Variants in DDI2 observed in about 807,000 individuals in gnomAD.
DDI2 encodes the protein protein DDI1 homolog 2.
A neutral mutation model predicts 48.1 loss-of-function variants in DDI2; 5 were observed. The observed-to-expected ratio is 0.10, with a 90% CI of 0.05 to 0.22. The LOEUF is 0.22. Ranked by LOEUF, DDI2 falls within the 10% of genes least tolerant of loss-of-function variation. The probability of loss-of-function intolerance (pLI) is 1.00; values close to 1 mark genes in which losing one functional copy is unlikely to be tolerated. For missense variants in DDI2, 285 were observed against 506.2 expected (o/e 0.56, Z 4.19); for synonymous variants, 205 against 183.6 (o/e 1.12, Z -0.94).
At position 15,617,586 on chromosome 1, in the gene DDI2, C is replaced by G; in HGVS notation, c.-85C>G. ...CAGCCGGCGCCGTCCTCCCGCAGCACCAGCCAGGCCACGCCGCCGCCTCTT... is the reference window on the plus strand; with the variant it reads ...CAGCCGGCGCCGTCCTCCCGCAGCAGCAGCCAGGCCACGCCGCCGCCTCTT... On this transcript the variant is annotated 5_prime_UTR_variant, in exon 1 of 10. Transcript: ENST00000480945. 8.5e-7 allele frequency: 1 copy of G among 1,178,392 alleles called. No homozygotes were observed. Among genetic ancestry groups the G allele is most frequent in the Non-Finnish European group, 1.1e-6 (1 of 931,874 alleles). The allele number at this position is 1,178,392 out of a possible 1,614,324, so 73.0% of individuals were successfully genotyped here.
rs1483738640 is a variant in DDI2, at chr1:15,662,427, G to A, written c.*2637G>A. 2.0e-5 allele frequency: 3 copies of A among 152,184 alleles called. No individual in the cohort carries two copies. Among genetic ancestry groups the A allele is most frequent in the Admixed American group, 6.5e-5 (1 of 15,274 alleles). The allele number at this position is 152,184 out of a possible 1,614,324, so 9.4% of individuals were successfully genotyped here. On this transcript the variant is annotated 3_prime_UTR_variant, in exon 10 of 10. Transcript: ENST00000480945. ...GCCATGAATCCTTATTACATTGGAT[G>A]GGATATTGTGGGGGAGTTACAATGC...
chr1:15,628,875 G>A (rs533823723), intron 2 of DDI2, among the ~76,000 whole-genome samples: 11 of 152,128 alleles, frequency 7.2e-5, no homozygotes, highest in South Asian at 4.1e-4. Context: ...CCTAGTCTCC[G>A]CAGCCTAGAC....
At chr1:15,622,900 C>T (rs12088251) in intron 1 of DDI2, among the ~76,000 whole-genome samples, 5,106 of 152,270 alleles carry the variant, frequency 0.034, 288 homozygotes, top group African/African-American at 0.12. Context: ...ACAGCTGCTG[C>T]TTCGTCAGTG....
intron 5 of DDI2, among the ~76,000 whole-genome samples, chr1:15,643,095 T>C (rs1640035233): frequency 6.6e-6 from 1 of 151,158 alleles, no homozygotes; most frequent in Non-Finnish European, 1.5e-5. Context: ...TAGCTGGACA[T>C]GATGGCGCAA....
At position 15,631,809 on chromosome 1, in the gene DDI2, G is replaced by GT. The variant is rs1032781501; in HGVS notation, c.505+1259dup. On this transcript the variant is annotated intron_variant, in intron 3 of 9. Coordinates refer to ENST00000480945, the MANE Select transcript of DDI2 (RefSeq NM_032341.5). The stretch of plus-strand genomic sequence containing the variant: ...TGTCTGCTCTTTCGTGTTAGGCTTT[G>GT]TTTTTTTTTTTCTTGAGACGGAGTT... Among the ~76,000 whole-genome samples the GT allele has an allele frequency of 7.5e-3, 1,096 of 146,298 alleles. 14 individuals carry two copies. The highest frequency in any genetic ancestry group is 0.024 in the African/African-American group (981 of 40,302).
chr1:15,645,458 G>A (rs1640076099), intron 6 of DDI2, among the ~76,000 whole-genome samples: 1 of 152,164 alleles, frequency 6.6e-6, no homozygotes, highest in African/African-American at 2.4e-5. Context: ...TTGTTTTTCT[G>A]TGGGATTTCT....
At chr1:15,627,860 C>T (rs1049169684) in intron 2 of DDI2, among the ~76,000 whole-genome samples, 1 of 152,154 alleles carries the variant, frequency 6.6e-6, no homozygotes, top group African/African-American at 2.4e-5. Flanking sequence ...CAGCCTGAAA[C>T]TGGAACTTAC....
chr1:15,651,631 A>G, intron 7 of DDI2, 75 bp from the exon 8 acceptor site: 1 of 1,398,260 alleles, frequency 7.2e-7, no homozygotes, highest in Non-Finnish European at 9.7e-7. Flanking sequence ...TTGTGATTGG[A>G]GTTTTAAATT....
At chr1:15,635,034 C>T (rs962538196) in intron 4 of DDI2, among the ~76,000 whole-genome samples, 2 of 151,986 alleles carry the variant, frequency 1.3e-5, no homozygotes, top group African/African-American at 4.8e-5. Flanking sequence ...TTGAGGCCAG[C>T]CTGGGCAGCA....
chr1:15,635,382 G>C (rs1250573230), intron 4 of DDI2, among the ~76,000 whole-genome samples: 2 of 152,148 alleles, frequency 1.3e-5, no homozygotes, highest in African/African-American at 4.8e-5. Context: ...TTGAATGAAG[G>C]AAATAGGGTG....
In DDI2 at chr1:15,661,724, T is replaced by C; in HGVS notation, c.*1934T>C. The C allele has an allele frequency of 6.2e-7, 1 of 1,601,824 alleles. No individual in the cohort carries two copies. The highest frequency in any genetic ancestry group is 1.3e-5 in the African/African-American group (1 of 74,746). ...AAAAACATCGTAGTTCCTACATGACTGTGGGAAAGTGGGCTAGACCGTTCT... is the reference window on the plus strand; with the variant it reads ...AAAAACATCGTAGTTCCTACATGACCGTGGGAAAGTGGGCTAGACCGTTCT... On this transcript the variant is annotated 3_prime_UTR_variant, in exon 10 of 10. Coordinates refer to ENST00000480945, the MANE Select transcript of DDI2 (RefSeq NM_032341.5).
intron 8 of DDI2, 67 bp from the exon 9 acceptor site, chr1:15,656,550 A>G: frequency 1.2e-6 from 2 of 1,613,830 alleles, no homozygotes; most frequent in South Asian, 2.2e-5. Flanking sequence ...CGGAAACTAT[A>G]ACCCTGCATG....
At chr1:15,655,685 A>AGAG (rs1296087865) in intron 8 of DDI2, among the ~76,000 whole-genome samples, 1 of 151,460 alleles carries the variant, frequency 6.6e-6, no homozygotes. Flanking sequence ...GCCGGGAAGC[A>AGAG]GAGGTTGCAG....
chr1:15,665,575 G>A lies in DDI2; in HGVS notation c.*5785G>A, dbSNP rs1199476575. ...CATAAAAATTTAGGTTAACTTTTAAGCTCATGTCTATATATATGTGTGTAA... is the reference window on the plus strand; with the variant it reads ...CATAAAAATTTAGGTTAACTTTTAAACTCATGTCTATATATATGTGTGTAA... On this transcript the variant is annotated 3_prime_UTR_variant, in exon 10 of 10. Coordinates refer to ENST00000480945, the MANE Select transcript of DDI2 (RefSeq NM_032341.5). 6.6e-6 allele frequency: 1 copy of A among 152,156 alleles called. No individual in the cohort carries two copies. Among genetic ancestry groups the A allele is most frequent in the Non-Finnish European group, 1.5e-5 (1 of 68,040 alleles). 9.4% of individuals were successfully genotyped at this position (152,156 alleles called of 1,614,324 possible). A position where few individuals can be genotyped will look rare whatever the true frequency, so the allele number is the denominator to read the frequency against.
At chr1:15,638,455 TTCTTGGTCTCCCCTCCAACA>T (rs1448112717) in intron 5 of DDI2, 21 bp downstream of exon 5, 1 of 1,612,646 alleles carries the variant, frequency 6.2e-7, no homozygotes, top group South Asian at 1.1e-5. Context: ...TGTCTTTTAT[TTCTTGGTCTCCCCTCCAACA>T]TCTTTACCTG....
chr1:15,656,962 A>C, intron 9 of DDI2: 1 of 283,116 alleles, frequency 3.5e-6, no homozygotes, highest in East Asian at 7.8e-5. Flanking sequence ...TACTATAAAT[A>C]TCACATCAAG....
At position 15,668,460 on chromosome 1, in the gene DDI2, C is replaced by T. The variant is rs1640485839; in HGVS notation, c.*8670C>T. The T allele has an allele frequency of 1.3e-5, 2 of 152,080 alleles. No homozygotes were observed. The highest frequency in any genetic ancestry group is 1.9e-4 in the East Asian group (1 of 5,202). The allele number at this position is 152,080 out of a possible 1,614,324, so 9.4% of individuals were successfully genotyped here. On this transcript the variant is annotated 3_prime_UTR_variant, in exon 10 of 10. Transcript: ENST00000480945. ...ATATTGATTGAATTTTATTTTTTCG[C>T]TTTGTATCTACAACAGAAATTGATT...
chr1:15,659,396 T>A (rs1640324067), intron 9 of DDI2, among the ~76,000 whole-genome samples: 1 of 152,224 alleles, frequency 6.6e-6, no homozygotes, highest in Non-Finnish European at 1.5e-5. Context: ...TGCACATTCC[T>A]GGATTTACTC....
chr1:15,653,462 G>A (rs1229175645), intron 8 of DDI2, among the ~76,000 whole-genome samples: 1 of 151,762 alleles, frequency 6.6e-6, no homozygotes, highest in Non-Finnish European at 1.5e-5. Flanking sequence ...ATTTTGAAAA[G>A]TATCATTGCT....
Sources: gnomAD v4.1 joint callset for allele counts (sites outside exome capture counted in the v4.1 genomes callset) on GRCh38, gnomAD v4.1.1 for gene constraint, MANE v1.5 for transcripts, NCBI Gene and HGNC (gene_info 2026-07-23, HGNC 2026-07-21) for gene names.